NME5: variants seen among roughly 807,000 people sequenced by gnomAD.
NME5 encodes nucleoside diphosphate kinase 5.
In NME5, 18 loss-of-function variants were observed where a neutral mutation model predicts 21.6. That is an observed-to-expected ratio of 0.83 (90% CI 0.58 to 1.24). The LOEUF is 1.24. NME5 is among the 50% of genes most tolerant of loss of function. NME5 has a pLI of 0.00. For synonymous variants in NME5, 70 were observed against 80.6 expected, an observed-to-expected ratio of 0.87 and a Z score of 0.71; for missense variants, 223 against 255.4, an observed-to-expected ratio of 0.87 and a Z score of 0.86.
chr5:138,123,419 G>A (rs937439886), intron 4 of NME5, among the ~76,000 whole-genome samples: 17 of 151,888 alleles, frequency 1.1e-4, no homozygotes, highest in Admixed American at 2.6e-4. Context: ...TCTACTCTCC[G>A]AGTTCAAGTT....
Position 138,129,272 on chromosome 5 carries a change from T to C in NME5, c.326A>G (p.His109Arg), listed in dbSNP as rs1751502399. ...PNNSLVAKETHPDSLRAIYGT... is the reference protein window; with the variant it reads ...PNNSLVAKETRPDSLRAIYGT... ...AAACCCTGAAAATTACCTGTCTGGA[T>C]GTGTCTCCTTCGCTACTAAGCTATT... The change falls in exon 3 of 6, where the codon CAT becomes CGT. Residue 109 changes from histidine (H) to arginine (R), a missense_variant. Transcript: ENST00000265191. 6.2e-7 allele frequency: 1 copy of C among 1,611,272 alleles called. No individual in the cohort carries two copies. The highest frequency in any genetic ancestry group is 8.5e-7 in the Non-Finnish European group (1 of 1,177,566).
Position 138,128,543 on chromosome 5 carries a change from A to ATTCCTTAGG in NME5, c.363_371dup (p.Leu122_Asn124dup). The ATTCCTTAGG allele has an allele frequency of 1.9e-6, 3 of 1,612,900 alleles. No homozygotes were observed. The highest frequency in any genetic ancestry group is 2.5e-6 in the Non-Finnish European group (3 of 1,179,682). The stretch of plus-strand genomic sequence containing the variant: ...CAAAGTCATTACTCCCATGAAGTGC[A>ATTCCTTAGG]TTCCTTAGGTCATCTGTGCCATAAA... On this transcript the variant is annotated inframe_insertion, in exon 4 of 6. Transcript: ENST00000265191.
rs554533084 is a variant in NME5, at chr5:138,134,243, TTTTG to T, written c.129+4405_129+4408del. ...GCATGCGCCACCACGCCCAGCTGATTTTTGTTTGTTTGTTTTTTGAGATGGAGTC... is the reference window on the plus strand; with the variant it reads ...GCATGCGCCACCACGCCCAGCTGATTTTTGTTTGTTTTTTGAGATGGAGTC... On this transcript the variant is annotated intron_variant, in intron 2 of 5. Coordinates refer to ENST00000265191, the MANE Select transcript of NME5 (RefSeq NM_003551.3). Among the ~76,000 whole-genome samples, 326 of 151,604 alleles carry T rather than the reference TTTTG, an allele frequency of 2.2e-3. 1 individual carries two copies. Among genetic ancestry groups the T allele is most frequent in the African/African-American group, 6.8e-3 (282 of 41,282 alleles).
intron 5 of NME5, 36 bp from the exon 6 acceptor site, chr5:138,115,800 C>T (rs370280184): frequency 3.6e-6 from 5 of 1,407,914 alleles, no homozygotes; most frequent in South Asian, 1.3e-5. Context: ...AGTTAAGAAA[C>T]AGTTACATAT....
chr5:138,133,247 C>T (rs184445689), intron 2 of NME5, among the ~76,000 whole-genome samples: 2,226 of 152,034 alleles, frequency 0.015, 44 homozygotes, highest in Non-Finnish European at 0.021. Context: ...ACTACAGGAG[C>T]CTGCTACCAC....
In NME5 at chr5:138,123,117, AT is replaced by A. The variant is rs566045318; in HGVS notation, c.437-4182del. 2.0e-5 allele frequency: 3 copies of A among 152,258 alleles called. No homozygotes were observed. In the South Asian group the frequency reaches 6.2e-4, roughly 32 times the overall value. 9.4% of individuals were successfully genotyped at this position (152,258 alleles called of 1,614,324 possible). ...ATATGTGCTGAAGTGAGCACAACAA[AT>A]TTTTTAATAGATAAGAAATATTGTA... On this transcript the variant is annotated intron_variant, in intron 4 of 5. Coordinates refer to ENST00000265191, the MANE Select transcript of NME5 (RefSeq NM_003551.3).
intron 2 of NME5, among the ~76,000 whole-genome samples, chr5:138,133,003 C>T (rs1751608126): frequency 6.6e-6 from 1 of 151,494 alleles, no homozygotes; most frequent in African/African-American, 2.4e-5. Flanking sequence ...GTAATGTAAG[C>T]CCTTATCTGC....
Position 138,132,630 on chromosome 5 carries a change from C to G in NME5, c.130-3162G>C, listed in dbSNP as rs189673563. 3.2e-3 allele frequency among the ~76,000 whole-genome samples: 480 copies of G among 152,290 alleles called. 6 individuals carry two copies. Among genetic ancestry groups the G allele is most frequent in the Middle Eastern group, 0.014 (4 of 294 alleles). On this transcript the variant is annotated intron_variant, in intron 2 of 5. Transcript: ENST00000265191. Reference sequence around the variant, plus strand: ...ACCTCTTAAAGCCCTTTCCAAAATTCCGTGTCTCCGCAGGCTTCAGAAACT... The same window carrying G: ...ACCTCTTAAAGCCCTTTCCAAAATTGCGTGTCTCCGCAGGCTTCAGAAACT...
chr5:138,131,843 A>T (rs1247760071), intron 2 of NME5, among the ~76,000 whole-genome samples: 2 of 151,838 alleles, frequency 1.3e-5, no homozygotes, highest in Non-Finnish European at 2.9e-5. Context: ...TCCTGGATTC[A>T]AGTGATTCTC....
chr5:138,138,627 A>C (rs375027950), intron 2 of NME5, 25 bp downstream of exon 2: 9 of 1,596,980 alleles, frequency 5.6e-6, no homozygotes, highest in Non-Finnish European at 7.7e-6. Flanking sequence ...GGAAAAAAGC[A>C]TGAATCATCA....
At chr5:138,127,540 A>G (rs1161514235) in intron 4 of NME5, 1 of 982,218 alleles carries the variant, frequency 1.0e-6, no homozygotes, top group African/African-American at 1.7e-5. Flanking sequence ...TAACAGGAAA[A>G]ATAACATACT....
At position 138,117,978 on chromosome 5, in the gene NME5, C is replaced by T. The variant is rs559378571; in HGVS notation, c.555+840G>A. ...CAGCCTGGGCAACAGAGTGAGACTC[C>T]GTCTCAAAAAATAATAATAATAAAT... On this transcript the variant is annotated intron_variant, in intron 5 of 5. Transcript: ENST00000265191. Among the ~76,000 whole-genome samples the T allele has an allele frequency of 7.9e-5, 12 of 151,124 alleles. No homozygotes were observed. In the East Asian group the frequency reaches 9.7e-4, roughly 12 times the overall value.
chr5:138,132,978 A>C (rs1751604802), intron 2 of NME5, among the ~76,000 whole-genome samples: 1 of 151,900 alleles, frequency 6.6e-6, no homozygotes, highest in Non-Finnish European at 1.5e-5. Flanking sequence ...GTTTAAAAAT[A>C]AAATCTCATC....
At position 138,129,588 on chromosome 5, in the gene NME5, T is replaced by C. The variant is rs182645121; in HGVS notation, c.130-120A>G. The C allele has an allele frequency of 1.2e-5, 8 of 673,086 alleles. No individual in the cohort carries two copies. The Admixed American group carries it at 2.2e-4, about 19-fold the overall frequency. The allele number at this position is 673,086 out of a possible 1,614,324, so 41.7% of individuals were successfully genotyped here. A position where few individuals can be genotyped will look rare whatever the true frequency, so the allele number is the denominator to read the frequency against. On this transcript the variant is annotated intron_variant, in intron 2 of 5. Transcript: ENST00000265191. The stretch of plus-strand genomic sequence containing the variant: ...ATTATAACTTCAAGGTTTATCTTTG[T>C]ATTATGAAGAAAGAAAAGGATATAA...
At chr5:138,137,396 C>A (rs969501324) in intron 2 of NME5, among the ~76,000 whole-genome samples, 3 of 151,984 alleles carry the variant, frequency 2.0e-5, no homozygotes, top group African/African-American at 4.8e-5. Flanking sequence ...TGGCTTACTG[C>A]AACCTCTGCC....
chr5:138,131,530 G>A (rs542613671), intron 2 of NME5, among the ~76,000 whole-genome samples: 1 of 151,978 alleles, frequency 6.6e-6, no homozygotes, highest in East Asian at 1.9e-4. Context: ...ACTCCAGCCT[G>A]GGTAACAGGA....
At chr5:138,132,962 T>C (rs944060158) in intron 2 of NME5, among the ~76,000 whole-genome samples, 5 of 152,160 alleles carry the variant, frequency 3.3e-5, no homozygotes, top group African/African-American at 1.2e-4. Context: ...TGTTTTTTCT[T>C]GCTGAGTTTA....
chr5:138,137,944 G>A (rs1260066662), intron 2 of NME5, among the ~76,000 whole-genome samples: 2 of 151,940 alleles, frequency 1.3e-5, no homozygotes, highest in African/African-American at 2.4e-5. Flanking sequence ...GGCAGAGGTT[G>A]CAGTGAGCCG....
At chr5:138,139,269 G>T in intron 1 of NME5, 102 bp downstream of exon 1, 1 of 697,520 alleles carries the variant, frequency 1.4e-6, no homozygotes, top group Non-Finnish European at 1.8e-6. Context: ...GGACCTCTCT[G>T]TGCATAGGGT....
Sources: gnomAD v4.1 joint callset for allele counts (sites outside exome capture counted in the v4.1 genomes callset) on GRCh38, gnomAD v4.1.1 for gene constraint, MANE v1.5 for transcripts, NCBI Gene and HGNC (gene_info 2026-07-23, HGNC 2026-07-21) for gene names.